The following CDYL2 variants were observed in gnomAD, a reference collection of about 807,000 sequenced individuals.
The protein encoded by CDYL2 is chromodomain Y like 2.
Under a neutral mutation model 49.4 loss-of-function variants are expected in CDYL2, and 23 were observed. The ratio of observed to expected loss-of-function variants is 0.47; its 90% CI spans 0.34 to 0.66. The LOEUF is 0.66. Among genes scored for constraint, CDYL2 ranks in the 30% least tolerant of loss-of-function variants. CDYL2 has a pLI of 0.01. For missense variants in CDYL2, 678 were observed against 656.4 expected (o/e 1.03, Z -0.36); for synonymous variants, 360 against 268.8 (o/e 1.34, Z -3.32).
At chr16:80,610,336 C>T (rs753146938) in intron 5 of CDYL2, among the ~76,000 whole-genome samples, 6 of 152,256 alleles carry the variant, frequency 3.9e-5, no homozygotes, top group African/African-American at 1.4e-4. Flanking sequence ...TGAGAATGTG[C>T]GGAGCTGCCT....
intron 1 of CDYL2, among the ~76,000 whole-genome samples, chr16:80,776,582 AT>A (rs1161666064): frequency 6.7e-6 from 1 of 150,042 alleles, no homozygotes; most frequent in Non-Finnish European, 1.5e-5. Context: ...ATATACTGTA[AT>A]TTTTGTATCT....
intron 1 of CDYL2, among the ~76,000 whole-genome samples, chr16:80,754,258 T>C (rs1007974491): frequency 6.6e-6 from 1 of 152,108 alleles, no homozygotes; most frequent in African/African-American, 2.4e-5. Flanking sequence ...GAAAATATCA[T>C]GGTTCACCTG....
chr16:80,749,703 G>A lies in CDYL2; in HGVS notation c.24+54447C>T, dbSNP rs182239366. On this transcript the variant is annotated intron_variant, in intron 1 of 6. Transcript: ENST00000570137. ...ATTCAGCTGAAGCTGAGTTCAGGGG[G>A]AAAAATAGCCTTATATGAAAATTTT... Among the ~76,000 whole-genome samples, 594 of 151,878 alleles carry A rather than the reference G, an allele frequency of 3.9e-3. 2 individuals carry two copies. Among genetic ancestry groups the A allele is most frequent in the African/African-American group, 0.014 (576 of 41,402 alleles).
In CDYL2 at chr16:80,734,814, C is replaced by A. The variant is rs57252587; in HGVS notation, c.25-49685G>T. Among the ~76,000 whole-genome samples the A allele has an allele frequency of 3.1e-3, 468 of 152,216 alleles. 1 individual carries two copies. The highest frequency in any genetic ancestry group is 0.011 in the African/African-American group (439 of 41,530). On this transcript the variant is annotated intron_variant, in intron 1 of 6. Coordinates refer to ENST00000570137, the MANE Select transcript of CDYL2 (RefSeq NM_152342.4). The stretch of plus-strand genomic sequence containing the variant: ...CTAGAACTGGTTCCTAATTTTGTAA[C>A]CTGCTGCTACGGTGTTTTCAATTTA...
intron 1 of CDYL2, among the ~76,000 whole-genome samples, chr16:80,743,484 A>T (rs369601524): frequency 2.7e-4 from 14 of 51,324 alleles, no homozygotes; most frequent in African/African-American, 4.5e-4. Flanking sequence ...CAGCACTTCA[A>T]CCTGGAACTG....
At chr16:80,678,135 C>T (rs1024264260) in intron 2 of CDYL2, among the ~76,000 whole-genome samples, 14 of 152,282 alleles carry the variant, frequency 9.2e-5, no homozygotes, top group African/African-American at 2.2e-4. Flanking sequence ...GACTTAAACG[C>T]TAGACCTAAA....
Position 80,654,878 on chromosome 16 carries a change from C to T in CDYL2, c.617-21642G>A, listed in dbSNP as rs773831257. On this transcript the variant is annotated intron_variant, in intron 2 of 6. Coordinates refer to ENST00000570137, the MANE Select transcript of CDYL2 (RefSeq NM_152342.4). ...TTCAGTGAACTTCGGAGAGTAAACA[C>T]GAGTGTCTAATTACAAGGCTTGTGT... Among the ~76,000 whole-genome samples the T allele has an allele frequency of 4.6e-5, 7 of 152,330 alleles. No homozygotes were observed. The Middle Eastern group carries it at 0.01, about 222-fold the overall frequency.
chr16:80,668,357 G>C (rs193277386), intron 2 of CDYL2, among the ~76,000 whole-genome samples: 6 of 152,172 alleles, frequency 3.9e-5, no homozygotes, highest in African/African-American at 1.4e-4. Context: ...ATGACAGACA[G>C]ATATATACAT....
chr16:80,648,808 G>T (rs1908462876), intron 2 of CDYL2, among the ~76,000 whole-genome samples: 1 of 151,890 alleles, frequency 6.6e-6, no homozygotes, highest in Non-Finnish European at 1.5e-5. Flanking sequence ...TGACCAAGTG[G>T]GATTTATCCC....
At chr16:80,800,964 G>A (rs565378899) in intron 1 of CDYL2, among the ~76,000 whole-genome samples, 11 of 152,328 alleles carry the variant, frequency 7.2e-5, no homozygotes, top group African/African-American at 2.4e-4. Context: ...TGGTAATAGG[G>A]AGCAAGGGGA....
chr16:80,794,731 C>A (rs1907718588), intron 1 of CDYL2, among the ~76,000 whole-genome samples: 1 of 151,264 alleles, frequency 6.6e-6, no homozygotes, highest in South Asian at 2.1e-4. Flanking sequence ...CCTGCCTCAG[C>A]CTCCTGAGCA....
At chr16:80,678,788 T>C (rs2142464958) in intron 2 of CDYL2, among the ~76,000 whole-genome samples, 1 of 151,350 alleles carries the variant, frequency 6.6e-6, no homozygotes, top group African/African-American at 2.4e-5. Context: ...CTATAAATCA[T>C]GCTGCTATAA....
rs370888016 is a variant in CDYL2 at position 80,633,417 on chromosome 16, G to A, written c.617-181C>T. The stretch of plus-strand genomic sequence containing the variant: ...AGGTGAAGAGACAGGCTGAATTCCT[G>A]CATCTCCAAATTCAGAAGGGGACCT... On this transcript the variant is annotated intron_variant, in intron 2 of 6. Coordinates refer to ENST00000570137, the MANE Select transcript of CDYL2 (RefSeq NM_152342.4). Among the ~76,000 whole-genome samples the A allele has an allele frequency of 8.5e-5, 13 of 152,282 alleles. No individual in the cohort carries two copies. In the East Asian group the frequency reaches 2.3e-3, roughly 27 times the overall value.
chr16:80,662,327 T>C (rs1478517708), intron 2 of CDYL2, among the ~76,000 whole-genome samples: 2 of 152,300 alleles, frequency 1.3e-5, no homozygotes, highest in Middle Eastern at 3.4e-3. Context: ...AGAAGGAAGT[T>C]AGTGAGACCA....
intron 1 of CDYL2, among the ~76,000 whole-genome samples, chr16:80,688,756 T>C (rs533281094): frequency 6.6e-6 from 1 of 152,218 alleles, no homozygotes; most frequent in Non-Finnish European, 1.5e-5. Flanking sequence ...AAACAGAACC[T>C]GAATTGTAAT....
chr16:80,706,832 T>C (rs1178750035), intron 1 of CDYL2, among the ~76,000 whole-genome samples: 1 of 152,162 alleles, frequency 6.6e-6, no homozygotes, highest in South Asian at 2.1e-4. Flanking sequence ...AGGCAGAAGA[T>C]AGGCCGGTCT....
chr16:80,615,010 G>A (rs1298592061), intron 4 of CDYL2, among the ~76,000 whole-genome samples: 1 of 151,986 alleles, frequency 6.6e-6, no homozygotes, highest in Non-Finnish European at 1.5e-5. Flanking sequence ...TCTACTTAAT[G>A]TTCTGCGGGG....
chr16:80,712,191 G>GTGTA (rs1555532109), intron 1 of CDYL2, among the ~76,000 whole-genome samples: 22 of 107,914 alleles, frequency 2.0e-4, no homozygotes, highest in Non-Finnish European at 3.2e-4. Context: ...GTCTGTGTGT[G>GTGTA]TATATATATA....
chr16:80,751,286 C>G lies in CDYL2; in HGVS notation c.24+52864G>C, dbSNP rs540641014. Among the ~76,000 whole-genome samples, 8 of 152,324 alleles carry G rather than the reference C, an allele frequency of 5.3e-5. No homozygotes were observed. In the South Asian group the frequency reaches 1.5e-3, roughly 28 times the overall value. On this transcript the variant is annotated intron_variant, in intron 1 of 6. Coordinates refer to ENST00000570137, the MANE Select transcript of CDYL2 (RefSeq NM_152342.4). ...GTTACTTCATCTGTTCTAAGACATT[C>G]AAGAGCTGCCTTGGCAGCCAGAACT... is the stretch of plus-strand genomic sequence containing the variant.
Sources: gnomAD v4.1 joint callset for allele counts (sites outside exome capture counted in the v4.1 genomes callset) on GRCh38, gnomAD v4.1.1 for gene constraint, MANE v1.5 for transcripts, NCBI Gene and HGNC (gene_info 2026-07-23, HGNC 2026-07-21) for gene names.